P4HA1: variants seen among roughly 807,000 people sequenced by gnomAD.
P4HA1 encodes prolyl 4-hydroxylase subunit alpha-1.
In P4HA1, 24 loss-of-function variants were observed where a neutral mutation model predicts 72.8. That is an observed-to-expected ratio of 0.33 (90% confidence interval 0.24 to 0.46). The LOEUF is 0.46. Ranked by LOEUF, P4HA1 falls within the 20% of genes least tolerant of loss-of-function variation. The pLI, the probability that P4HA1 is intolerant of heterozygous loss-of-function variation, is 1.00. For missense variants in P4HA1, 446 were observed against 640.6 expected (o/e 0.70, Z 3.28); for synonymous variants, 201 against 218.8 (o/e 0.92, Z 0.72).
At chr10:73,092,446 C>A (rs1238123156) in intron 1 of P4HA1, among the ~76,000 whole-genome samples, 12 of 147,490 alleles carry the variant, frequency 8.1e-5, no homozygotes, top group African/African-American at 2.7e-4. Flanking sequence ...AACTCTTGGG[C>A]TCAAGCGACC....
chr10:73,086,634 A>G (rs1253289503), intron 1 of P4HA1, among the ~76,000 whole-genome samples: 1 of 152,170 alleles, frequency 6.6e-6, no homozygotes, highest in Non-Finnish European at 1.5e-5. Context: ...TGTTTTAAAA[A>G]AATTAAAAAG....
At chr10:73,088,810 T>C (rs1398772002) in intron 1 of P4HA1, among the ~76,000 whole-genome samples, 1 of 152,232 alleles carries the variant, frequency 6.6e-6, no homozygotes, top group African/African-American at 2.4e-5. Context: ...AATTGACAAT[T>C]TTTGTGTGAC....
chr10:73,095,918 G>A (rs1422966158), intron 1 of P4HA1, among the ~76,000 whole-genome samples: 1 of 152,138 alleles, frequency 6.6e-6, no homozygotes, highest in Non-Finnish European at 1.5e-5. Context: ...CATACATCCG[G>A]GGGCCAGCCA....
intron 3 of P4HA1, among the ~76,000 whole-genome samples, chr10:73,072,448 G>T (rs1340832361): frequency 6.6e-6 from 1 of 152,096 alleles, no homozygotes; most frequent in Non-Finnish European, 1.5e-5. Context: ...TAAAAGTTGT[G>T]AATGAATCCC....
chr10:73,011,055 G>A lies in P4HA1; in HGVS notation c.1369-18C>T. The A allele has an allele frequency of 6.3e-7, 1 of 1,599,568 alleles. No homozygotes were observed. Among genetic ancestry groups the A allele is most frequent in the Non-Finnish European group, 8.6e-7 (1 of 1,169,130 alleles). Reference sequence around the variant, plus strand: ...TCACTCATCTATAAGAAACAAGAGGGTGTTATCAAAAGTGCTGGTAGAATA... The same window carrying A: ...TCACTCATCTATAAGAAACAAGAGGATGTTATCAAAAGTGCTGGTAGAATA... On this transcript the variant is annotated intron_variant, in intron 12 of 14. Transcript: ENST00000394890.
At chr10:73,045,950 T>C (rs1211341781) in intron 8 of P4HA1, among the ~76,000 whole-genome samples, 1 of 151,332 alleles carries the variant, frequency 6.6e-6, no homozygotes, top group African/African-American at 2.4e-5. Context: ...GTAGTATAGA[T>C]ATCCAGATAA....
chr10:73,070,136 C>T (rs1339839498), intron 4 of P4HA1, among the ~76,000 whole-genome samples: 1 of 140,660 alleles, frequency 7.1e-6, no homozygotes, highest in Non-Finnish European at 1.5e-5. Context: ...CAGCAAGAGA[C>T]CAGGCCTTTT....
chr10:73,075,539 A>G (rs897292048), intron 1 of P4HA1, among the ~76,000 whole-genome samples: 1 of 152,188 alleles, frequency 6.6e-6, no homozygotes, highest in African/African-American at 2.4e-5. Flanking sequence ...AGCCTGAAAA[A>G]TAAGTTTTCT....
intron 1 of P4HA1, among the ~76,000 whole-genome samples, chr10:73,096,543 G>A (rs931600639): frequency 2.0e-5 from 3 of 152,234 alleles, no homozygotes; most frequent in Non-Finnish European, 2.9e-5. Flanking sequence ...TAGGGACAGA[G>A]GTGGGAAGGG....
chr10:73,014,973 C>T (rs574944058), intron 11 of P4HA1, among the ~76,000 whole-genome samples: 5 of 151,846 alleles, frequency 3.3e-5, no homozygotes, highest in Middle Eastern at 3.4e-3. Flanking sequence ...GGGCTACAGG[C>T]GTGTACCACC....
chr10:73,058,315 C>T (rs1380798735), intron 5 of P4HA1, among the ~76,000 whole-genome samples: 1 of 152,084 alleles, frequency 6.6e-6, no homozygotes, highest in Non-Finnish European at 1.5e-5. Context: ...TTTTGATTAA[C>T]CTCAGTCCCA....
At chr10:73,080,212 T>C (rs889651212) in intron 1 of P4HA1, among the ~76,000 whole-genome samples, 4 of 152,190 alleles carry the variant, frequency 2.6e-5, no homozygotes, top group Non-Finnish European at 4.4e-5. Context: ...TCACTTACAA[T>C]AGGAAGTTCA....
At chr10:73,080,391 G>A (rs1841796170) in intron 1 of P4HA1, among the ~76,000 whole-genome samples, 1 of 152,222 alleles carries the variant, frequency 6.6e-6, no homozygotes, top group South Asian at 2.1e-4. Flanking sequence ...TGATAGTGCT[G>A]GCTGGGGGAT....
At chr10:73,068,763 C>T in intron 5 of P4HA1, 83 bp downstream of exon 5, 2 of 1,129,132 alleles carry the variant, frequency 1.8e-6, no homozygotes, top group Non-Finnish European at 2.6e-6. Flanking sequence ...AAATGCAAGT[C>T]TTTTTTATAC....
At chr10:73,063,632 C>T (rs1280910010) in intron 5 of P4HA1, among the ~76,000 whole-genome samples, 1 of 152,196 alleles carries the variant, frequency 6.6e-6, no homozygotes, top group Non-Finnish European at 1.5e-5. Context: ...ATAAATGTTT[C>T]TCTTAGGGAC....
At chr10:73,091,678 C>G (rs1012668843) in intron 1 of P4HA1, among the ~76,000 whole-genome samples, 3 of 152,068 alleles carry the variant, frequency 2.0e-5, no homozygotes, top group Non-Finnish European at 2.9e-5. Flanking sequence ...TAGTTCTCGG[C>G]TATTCATTCT....
chr10:73,029,683 C>A (rs1840388682), intron 10 of P4HA1, among the ~76,000 whole-genome samples: 1 of 150,044 alleles, frequency 6.7e-6, no homozygotes, highest in Non-Finnish European at 1.5e-5. Context: ...GATTATTATA[C>A]ATGGATTTTA....
chr10:73,018,452 C>T (rs1840059596), intron 10 of P4HA1, among the ~76,000 whole-genome samples: 1 of 152,184 alleles, frequency 6.6e-6, no homozygotes. Flanking sequence ...TGAGACACTT[C>T]TCTTTCTAGG....
chr10:73,058,090 GAAAAAAAAAAAAAAAAAAAAA>G (rs869244017), intron 5 of P4HA1, among the ~76,000 whole-genome samples: 1 of 23,060 alleles, frequency 4.3e-5, no homozygotes, highest in African/African-American at 1.4e-4. Context: ...ACTCCGTCCA[GAAAAAAAAAAAAAAAAAAAAA>G]AAAAAAAAGG....
Sources: gnomAD v4.1 joint callset for allele counts (sites outside exome capture counted in the v4.1 genomes callset) on GRCh38, gnomAD v4.1.1 for gene constraint, MANE v1.5 for transcripts, NCBI Gene and HGNC (gene_info 2026-07-23, HGNC 2026-07-21) for gene names.